Variants in NXPE4 observed in about 807,000 individuals in gnomAD.
NXPE4 encodes the protein NXPE family member 4.
In NXPE4, 42 loss-of-function variants were observed where a neutral mutation model predicts 33.3. The observed-to-expected ratio is 1.26, with a 90% CI of 0.98 to 1.63. The LOEUF (loss-of-function observed/expected upper bound fraction) is 1.63. NXPE4 is among the 40% of genes most tolerant of loss of function. The pLI, the probability that NXPE4 is intolerant of heterozygous loss-of-function variation, is 0.00. For synonymous variants in NXPE4, 253 were observed against 234.9 expected, an observed-to-expected ratio of 1.08 and a Z score of -0.71; for missense variants, 709 against 647.6, an observed-to-expected ratio of 1.09 and a Z score of -1.03.
chr11:114,630,161 GA>G, the NXPE4 span, among the ~76,000 whole-genome samples: 53 of 151,626 alleles, frequency 3.5e-4, 1 homozygote, highest in African/African-American at 8.3e-4. Context: ...CACAGAATTG[GA>G]AAAAAACTAC....
intron 5 of NXPE4, among the ~76,000 whole-genome samples, chr11:114,573,217 G>A (rs1165920057): frequency 6.6e-6 from 1 of 152,088 alleles, no homozygotes; most frequent in South Asian, 2.1e-4. Flanking sequence ...TCTAAATCTT[G>A]AAGCAAGTTA....
the NXPE4 span, among the ~76,000 whole-genome samples, chr11:114,656,242 A>G: frequency 6.6e-6 from 1 of 152,156 alleles, no homozygotes; most frequent in African/African-American, 2.4e-5. Flanking sequence ...GGACCTCTTC[A>G]AGGAGAACTA....
chr11:114,648,919 A>G, the NXPE4 span, among the ~76,000 whole-genome samples: 1 of 149,334 alleles, frequency 6.7e-6, no homozygotes, highest in Non-Finnish European at 1.5e-5. Flanking sequence ...AATACATCTT[A>G]TGTTATATGA....
the NXPE4 span, among the ~76,000 whole-genome samples, chr11:114,611,151 G>A: frequency 3.6e-4 from 54 of 150,726 alleles, 1 homozygote; most frequent in Admixed American, 1.3e-3. Context: ...ACTGTTACCC[G>A]GAGGATAATA....
At chr11:114,611,099 G>T in the NXPE4 span, among the ~76,000 whole-genome samples, 2 of 151,140 alleles carry the variant, frequency 1.3e-5, no homozygotes, top group African/African-American at 2.4e-5. Flanking sequence ...GTGTTGCCTC[G>T]TGGGAAACCA....
At chr11:114,624,736 C>T in the NXPE4 span, among the ~76,000 whole-genome samples, 1 of 152,058 alleles carries the variant, frequency 6.6e-6, no homozygotes, top group Non-Finnish European at 1.5e-5. Context: ...AGTATTGCCT[C>T]CAGGGTAACC....
the NXPE4 span, among the ~76,000 whole-genome samples, chr11:114,671,124 G>C: frequency 6.0e-5 from 9 of 149,040 alleles, no homozygotes; most frequent in African/African-American, 1.2e-4. Flanking sequence ...TGAAATTCTG[G>C]AGTTGAAAAG....
At chr11:114,620,803 C>G in the NXPE4 span, among the ~76,000 whole-genome samples, 2 of 151,888 alleles carry the variant, frequency 1.3e-5, no homozygotes, top group African/African-American at 4.8e-5. Flanking sequence ...AGTGTTGCCT[C>G]AGGGGAACCA....
At chr11:114,618,745 C>T in the NXPE4 span, among the ~76,000 whole-genome samples, 2 of 151,996 alleles carry the variant, frequency 1.3e-5, no homozygotes, top group Non-Finnish European at 2.9e-5. Context: ...TAAGTGTTAT[C>T]TCGTGCGTAG....
At chr11:114,602,206 A>G in the NXPE4 span, among the ~76,000 whole-genome samples, 2 of 108,078 alleles carry the variant, frequency 1.9e-5, no homozygotes, top group Admixed American at 1.3e-4. Context: ...ATATAATACT[A>G]TATACAATAT....
chr11:114,646,551 TATC>T, the NXPE4 span, among the ~76,000 whole-genome samples: 1 of 152,040 alleles, frequency 6.6e-6, no homozygotes, highest in Non-Finnish European at 1.5e-5. Flanking sequence ...AAAAGTGAGT[TATC>T]ATAAGTCAAA....
chr11:114,662,876 G>A, the NXPE4 span, among the ~76,000 whole-genome samples: 58 of 152,218 alleles, frequency 3.8e-4, no homozygotes, highest in African/African-American at 1.2e-3. Flanking sequence ...GAGCACTTGC[G>A]CCTTGAATAA....
At chr11:114,588,173 C>A (rs1459567973) in intron 2 of NXPE4, among the ~76,000 whole-genome samples, 1 of 152,148 alleles carries the variant, frequency 6.6e-6, no homozygotes, top group Non-Finnish European at 1.5e-5. Context: ...CCAGGCCCTT[C>A]TTGTCCTCCC....
At chr11:114,663,622 TATCTATCTATCTATC>T in the NXPE4 span, among the ~76,000 whole-genome samples, 1 of 96,998 alleles carries the variant, frequency 1.0e-5, no homozygotes. Context: ...TCTATCTATC[TATCTATCTATCTATC>T]ATCTATCCAT....
chr11:114,600,807 C>T, the NXPE4 span, among the ~76,000 whole-genome samples: 1 of 152,158 alleles, frequency 6.6e-6, no homozygotes, highest in South Asian at 2.1e-4. Context: ...ATGTTATTTA[C>T]TGATGCTGGC....
At chr11:114,601,815 TTATATATAATATATAATTA>T in the NXPE4 span, among the ~76,000 whole-genome samples, 2 of 70,970 alleles carry the variant, frequency 2.8e-5, no homozygotes, top group South Asian at 4.3e-4. Flanking sequence ...TATTATATAA[TTATATATAATATATAATTA>T]TATATATAAT....
chr11:114,633,058 T>G, the NXPE4 span, among the ~76,000 whole-genome samples: 1 of 116,102 alleles, frequency 8.6e-6, no homozygotes, highest in East Asian at 2.4e-4. Flanking sequence ...CATTATTATT[T>G]TATATTTTGT....
the NXPE4 span, among the ~76,000 whole-genome samples, chr11:114,643,779 T>C: frequency 6.6e-6 from 1 of 151,052 alleles, no homozygotes; most frequent in African/African-American, 2.4e-5. Context: ...AAGTAGTTTT[T>C]TTTTTAATAA....
At chr11:114,632,397 A>C in the NXPE4 span, among the ~76,000 whole-genome samples, 4 of 133,166 alleles carry the variant, frequency 3.0e-5, no homozygotes, top group Middle Eastern at 3.8e-3. Context: ...ATAAATATAA[A>C]TATACATATA....
Sources: gnomAD v4.1 joint callset for allele counts (sites outside exome capture counted in the v4.1 genomes callset) on GRCh38, gnomAD v4.1.1 for gene constraint, MANE v1.5 for transcripts, NCBI Gene and HGNC (gene_info 2026-07-23, HGNC 2026-07-21) for gene names.